The following INPP4B variants were observed in gnomAD, a reference collection of about 807,000 sequenced individuals.
The protein encoded by INPP4B is inositol polyphosphate-4-phosphatase type II B, also known as inositol polyphosphate 4-phosphatase type II.
INPP4B carries 55 observed loss-of-function variants against 122.5 expected under a neutral mutation model. The ratio of observed to expected loss-of-function variants is 0.45; its 90% CI spans 0.36 to 0.56. INPP4B has a LOEUF of 0.56. Ranked by LOEUF, INPP4B falls within the 20% of genes least tolerant of loss-of-function variation. The pLI is 0.00. For missense variants in INPP4B, 1,000 were observed against 1,097.7 expected, an observed-to-expected ratio of 0.91 and a Z score of 1.26; for synonymous variants, 403 against 388.7, an observed-to-expected ratio of 1.04 and a Z score of -0.43.
intron 25 of INPP4B, among the ~76,000 whole-genome samples, chr4:142,043,628 C>CAAAAA (rs11335396): frequency 6.7e-6 from 1 of 149,666 alleles, no homozygotes. Context: ...GATGAGGAGG[C>CAAAAA]AAAAAAAAAA....
intron 1 of INPP4B, among the ~76,000 whole-genome samples, chr4:142,824,314 A>ATCTATCTCTATC (rs151098085): frequency 1.3e-5 from 2 of 150,624 alleles, no homozygotes; most frequent in African/African-American, 5.0e-5. Context: ...CTGTCTATCT[A>ATCTATCTCTATC]TCTATCTCTA....
chr4:142,468,749 A>C (rs370713598), intron 2 of INPP4B, among the ~76,000 whole-genome samples: 2 of 152,160 alleles, frequency 1.3e-5, no homozygotes, highest in East Asian at 1.9e-4. Flanking sequence ...CATCAGATGC[A>C]GGTGTTCATT....
At chr4:142,389,892 G>T (rs1797129431) in intron 7 of INPP4B, among the ~76,000 whole-genome samples, 1 of 152,084 alleles carries the variant, frequency 6.6e-6, no homozygotes, top group African/African-American at 2.4e-5. Flanking sequence ...GAGGATGAAA[G>T]GATTGTTTTA....
At chr4:142,341,350 C>G (rs954755286) in intron 7 of INPP4B, among the ~76,000 whole-genome samples, 2 of 152,078 alleles carry the variant, frequency 1.3e-5, no homozygotes, top group African/African-American at 2.4e-5. Flanking sequence ...AAAAACCTAG[C>G]AACGTATGCA....
At chr4:142,123,178 TAATACTTGGCACAATAA>T in intron 20 of INPP4B, 97 bp downstream of exon 20, 1 of 834,226 alleles carries the variant, frequency 1.2e-6, no homozygotes, top group Non-Finnish European at 1.7e-6. Flanking sequence ...ATTATTTTTG[TAATACTTGGCACAATAA>T]AGGTTTACTT....
chr4:142,495,114 T>C lies in INPP4B; in HGVS notation c.-190-32388A>G, dbSNP rs914377880. 2.4e-4 allele frequency among the ~76,000 whole-genome samples: 36 copies of C among 152,190 alleles called. 1 individual carries two copies. The highest frequency in any genetic ancestry group is 8.4e-4 in the African/African-American group (35 of 41,454). On this transcript the variant is annotated intron_variant, in intron 2 of 25. Coordinates refer to ENST00000262992, the MANE Select transcript of INPP4B (RefSeq NM_001101669.3). The stretch of plus-strand genomic sequence containing the variant: ...TCTACAAAGTTCCAATGTAGTACTT[T>C]CATTAAACTTTTCTGTATTAATTAA...
chr4:142,168,470 G>A (rs1224381447), intron 16 of INPP4B, among the ~76,000 whole-genome samples: 1 of 151,464 alleles, frequency 6.6e-6, no homozygotes, highest in African/African-American at 2.4e-5. Flanking sequence ...AAATTACTCA[G>A]AATCAGTGGG....
At chr4:142,144,530 A>G (rs916914109) in intron 18 of INPP4B, among the ~76,000 whole-genome samples, 16 of 152,190 alleles carry the variant, frequency 1.1e-4, no homozygotes, top group African/African-American at 3.8e-4. Flanking sequence ...TCTTCATGAC[A>G]TAGCTATGAC....
chr4:142,703,937 G>C (rs1013941883), intron 2 of INPP4B, among the ~76,000 whole-genome samples: 2 of 152,164 alleles, frequency 1.3e-5, no homozygotes, highest in Non-Finnish European at 2.9e-5. Flanking sequence ...AGGAGATGGT[G>C]TATCCAAAAT....
At chr4:142,062,827 G>C (rs1260517998) in intron 25 of INPP4B, among the ~76,000 whole-genome samples, 3 of 152,056 alleles carry the variant, frequency 2.0e-5, no homozygotes, top group East Asian at 1.9e-4. Flanking sequence ...CTTAACATAA[G>C]ACACTGTGAA....
At chr4:142,033,556 T>C (rs368781828) in intron 25 of INPP4B, among the ~76,000 whole-genome samples, 5 of 152,138 alleles carry the variant, frequency 3.3e-5, no homozygotes, top group African/African-American at 1.2e-4. Flanking sequence ...TGTGCATTTC[T>C]CAACTTCCTT....
intron 1 of INPP4B, among the ~76,000 whole-genome samples, chr4:142,748,299 T>C (rs1213544608): frequency 6.6e-6 from 1 of 151,708 alleles, no homozygotes; most frequent in East Asian, 1.9e-4. Flanking sequence ...TACTAGAAAA[T>C]AAAATCTAAG....
chr4:142,390,038 A>G (rs1244823913), intron 7 of INPP4B, among the ~76,000 whole-genome samples: 1 of 152,180 alleles, frequency 6.6e-6, no homozygotes, highest in African/African-American at 2.4e-5. Flanking sequence ...TGAACATTGG[A>G]ATAAAAACAA....
At chr4:142,607,187 G>A (rs1741454753) in intron 2 of INPP4B, among the ~76,000 whole-genome samples, 1 of 151,930 alleles carries the variant, frequency 6.6e-6, no homozygotes. Flanking sequence ...CTTTAATGCT[G>A]TGTAAAATCT....
chr4:142,143,107 CA>C (rs1169075384), intron 18 of INPP4B, among the ~76,000 whole-genome samples: 1 of 151,974 alleles, frequency 6.6e-6, no homozygotes, highest in East Asian at 1.9e-4. Context: ...AACAAACAAG[CA>C]AAACACCAAA....
At chr4:142,745,019 G>A (rs1370784242) in intron 1 of INPP4B, among the ~76,000 whole-genome samples, 2 of 151,624 alleles carry the variant, frequency 1.3e-5, no homozygotes, top group Non-Finnish European at 3.0e-5. Flanking sequence ...ATTATATTTG[G>A]GAAATGGGAA....
chr4:142,033,997 CT>C (rs1742163635), intron 25 of INPP4B, among the ~76,000 whole-genome samples: 1 of 152,076 alleles, frequency 6.6e-6, no homozygotes, highest in African/African-American at 2.4e-5. Context: ...TACTGATACT[CT>C]ACTTATCAGG....
At chr4:142,438,406 C>G (rs755873187) in intron 3 of INPP4B, among the ~76,000 whole-genome samples, 1 of 152,114 alleles carries the variant, frequency 6.6e-6, no homozygotes, top group Non-Finnish European at 1.5e-5. Flanking sequence ...CACACATCTA[C>G]AAACATCTGA....
At chr4:142,311,822 T>C (rs1765598995) in intron 8 of INPP4B, among the ~76,000 whole-genome samples, 1 of 152,146 alleles carries the variant, frequency 6.6e-6, no homozygotes, top group Admixed American at 6.5e-5. Flanking sequence ...AGCTGAGCTT[T>C]TTGCCCTTGA....
Sources: allele counts gnomAD v4.1 joint callset (sites outside exome capture counted in the v4.1 genomes callset), GRCh38; gene constraint gnomAD v4.1.1; transcripts MANE v1.5; gene names NCBI Gene and HGNC (gene_info 2026-07-23, HGNC 2026-07-21).